The following FGFR1 variants were observed in gnomAD, a reference collection of about 807,000 sequenced individuals.
The protein encoded by FGFR1 is FGFR1/PLAG1 fusion.
FGFR1 carries 18 observed loss-of-function variants against 93.7 expected under a neutral mutation model. The ratio of observed to expected loss-of-function variants is 0.19; its 90% CI spans 0.13 to 0.28. FGFR1 has a LOEUF of 0.28. FGFR1 is among the 10% of genes least tolerant of loss of function. FGFR1 has a pLI of 1.00. For synonymous variants in FGFR1, 448 were observed against 429.3 expected (o/e 1.04, Z -0.54); for missense variants, 731 against 1,080.4 (o/e 0.68, Z 4.53).
intron 2 of FGFR1, among the ~76,000 whole-genome samples, chr8:38,441,791 A>T (rs1827584251): frequency 6.6e-6 from 1 of 152,246 alleles, no homozygotes; most frequent in Non-Finnish European, 1.5e-5. Context: ...TGGTGAAGAC[A>T]GAAACTCCTG....
At chr8:38,465,953 A>C (rs1482814144) in intron 1 of FGFR1, 2 of 228,366 alleles carry the variant, frequency 8.8e-6, no homozygotes, top group Non-Finnish European at 1.7e-5. Context: ...CTACCGCCCA[A>C]AGAAGGAAAC....
rs3213849 is a variant in FGFR1, at chr8:38,468,528, G to C, written c.-636C>G. 2.2e-5 allele frequency: 5 copies of C among 228,440 alleles called. No homozygotes were observed. Among genetic ancestry groups the C allele is most frequent in the Non-Finnish European group, 3.5e-5 (4 of 114,890 alleles). 14.2% of individuals were successfully genotyped at this position (228,440 alleles called of 1,614,324 possible). On this transcript the variant is annotated 5_prime_UTR_variant, in exon 1 of 18. Coordinates refer to ENST00000447712, the MANE Select transcript of FGFR1 (RefSeq NM_023110.3). ...TGGCCGCCCAGCTCCCGGCACACCC[G>C]GGTTCCTCCGCGCGCTGCGGCTGCA...
chr8:38,436,518 C>A (rs1179432700), intron 2 of FGFR1, among the ~76,000 whole-genome samples: 1 of 152,132 alleles, frequency 6.6e-6, no homozygotes, highest in Non-Finnish European at 1.5e-5. Context: ...GGCTGCTGAT[C>A]TCATTACCAC....
chr8:38,458,355 A>G (rs1833465118), intron 1 of FGFR1, among the ~76,000 whole-genome samples: 1 of 152,166 alleles, frequency 6.6e-6, no homozygotes, highest in Non-Finnish European at 1.5e-5. Context: ...AACCTGGCCA[A>G]TATGGTGAAA....
At chr8:38,449,058 C>T (rs1230694997) in intron 2 of FGFR1, among the ~76,000 whole-genome samples, 3 of 151,882 alleles carry the variant, frequency 2.0e-5, no homozygotes, top group Non-Finnish European at 2.9e-5. Context: ...GCCATGATCA[C>T]TCCACTGCAC....
chr8:38,459,867 A>C (rs1242880644), intron 1 of FGFR1, among the ~76,000 whole-genome samples: 2 of 152,144 alleles, frequency 1.3e-5, no homozygotes, highest in African/African-American at 4.8e-5. Flanking sequence ...AAGAGGCTTG[A>C]TTTGCAGTTC....
chr8:38,440,030 C>G (rs149476689), intron 2 of FGFR1, among the ~76,000 whole-genome samples: 1 of 152,186 alleles, frequency 6.6e-6, no homozygotes, highest in African/African-American at 2.4e-5. Flanking sequence ...TCTATCATCC[C>G]TATTCCATCT....
At position 38,414,208 on chromosome 8, in the gene FGFR1, G is replaced by A. The variant is rs758877273; in HGVS notation, c.2130C>T (p.Phe710=). The change falls in exon 16 of 18, where the codon TTC becomes TTT. Residue 710 remains phenylalanine, a synonymous_variant. Coordinates refer to ENST00000447712, the MANE Select transcript of FGFR1 (RefSeq NM_023110.3). ...PYPGVPVEEL[F]KLLKEGHRMD... The stretch of plus-strand genomic sequence containing the variant: ...TGCGGTGACCCTCCTTCAGCAGCTT[G>A]AAAAGTTCCTCCACAGGCACACCGG... 2.5e-6 allele frequency: 4 copies of A among 1,614,174 alleles called. No individual in the cohort carries two copies. In the South Asian group the frequency reaches 3.3e-5, roughly 13 times the overall value.
In FGFR1 at chr8:38,413,841, C is replaced by T. The variant is rs1815258964; in HGVS notation, c.2293-37G>A. 1 of 1,613,748 alleles carries T rather than the reference C, an allele frequency of 6.2e-7. No homozygotes were observed. Among genetic ancestry groups the T allele is most frequent in the Non-Finnish European group, 8.5e-7 (1 of 1,179,802 alleles). On this transcript the variant is annotated intron_variant, in intron 17 of 17. Transcript: ENST00000447712. The surrounding 1 kb of genome is among the most constrained non-coding windows in gnomAD (Gnocchi z 4.2). ...GAGAGGAAGCAGCGATGGGCCGGGC[C>T]CCTCCTCCCTGCTCAGGGAGGTGCG...
chr8:38,467,748 C>T (rs888664012), intron 1 of FGFR1: 6 of 232,996 alleles, frequency 2.6e-5, no homozygotes, highest in Middle Eastern at 1.3e-3. Context: ...AGCGGCGGGA[C>T]GAGCGCAGGG....
chr8:38,442,551 A>G (rs912664763), intron 2 of FGFR1, among the ~76,000 whole-genome samples: 2 of 151,980 alleles, frequency 1.3e-5, no homozygotes, highest in Non-Finnish European at 2.9e-5. Context: ...GGGTGGAGAG[A>G]TGAATCAACG....
intron 1 of FGFR1, among the ~76,000 whole-genome samples, chr8:38,459,404 C>A (rs950893699): frequency 6.6e-6 from 1 of 152,190 alleles, no homozygotes; most frequent in Non-Finnish European, 1.5e-5. Context: ...ACATGCCACA[C>A]CACTAGCTCC....
chr8:38,458,505 C>T (rs1290074711), intron 1 of FGFR1, among the ~76,000 whole-genome samples: 1 of 151,996 alleles, frequency 6.6e-6, no homozygotes, highest in Non-Finnish European at 1.5e-5. Context: ...CGCAGCACTG[C>T]ACTACAGCCT....
chr8:38,468,432 C>T lies in FGFR1; in HGVS notation c.-540G>A, dbSNP rs1040129769. The T allele has an allele frequency of 1.4e-4, 33 of 228,610 alleles. No homozygotes were observed. Among genetic ancestry groups the T allele is most frequent in the Admixed American group, 9.6e-4 (17 of 17,622 alleles). The allele number at this position is 228,610 out of a possible 1,614,324, so 14.2% of individuals were successfully genotyped here. On this transcript the variant is annotated 5_prime_UTR_variant, in exon 1 of 18. Coordinates refer to ENST00000447712, the MANE Select transcript of FGFR1 (RefSeq NM_023110.3). ...TTGGGTTCCGCGGCTTTTCAAGCAG[C>T]GGCGCGCTCGCGGCCGGGGAAGGCG...
chr8:38,440,284 T>C, intron 2 of FGFR1: 12 of 1,599,278 alleles, frequency 7.5e-6, no homozygotes, highest in Non-Finnish European at 9.4e-6. Context: ...ATTTTGGCTT[T>C]GAAATGGAAC....
chr8:38,425,932 C>A, intron 6 of FGFR1, 190 bp downstream of exon 6: 1 of 720,434 alleles, frequency 1.4e-6, no homozygotes, highest in Non-Finnish European at 2.4e-6. Context: ...ACTGTCTGAT[C>A]TTAACTCTAT....
chr8:38,451,271 C>T (rs1248378154), intron 2 of FGFR1, among the ~76,000 whole-genome samples: 2 of 151,752 alleles, frequency 1.3e-5, no homozygotes, highest in Admixed American at 6.6e-5. Context: ...GAGGGTCTTG[C>T]CTGTGTCCCA....
At chr8:38,460,298 C>T (rs1402933680) in intron 1 of FGFR1, among the ~76,000 whole-genome samples, 1 of 152,152 alleles carries the variant, frequency 6.6e-6, no homozygotes, top group African/African-American at 2.4e-5. Context: ...CCAGAGGATG[C>T]CCCTAAACCC....
rs377648976 is a variant in FGFR1 at position 38,419,703 on chromosome 8, G to A, written c.1114C>T (p.Pro372Ser). 1.5e-5 allele frequency: 24 copies of A among 1,614,052 alleles called. No homozygotes were observed. The highest frequency in any genetic ancestry group is 1.6e-4 in the Middle Eastern group (1 of 6,082). The change falls in exon 9 of 18, where the codon CCC (proline) becomes TCC (serine). Residue 372 changes from proline (P) to serine (S), a missense_variant. Around this residue, in one of 10 missense-constraint regions of FGFR1, gnomAD observed 146 missense variants for 173.0 expected, o/e 0.84. Transcript: ENST00000447712. ...LEERPAVMTS[P>S]LYLEIIIYCT... ...TAGATGATGATCTCCAGGTACAGGG[G>A]CGAGGTCATCACTGCCGGCCTCTCT...
Sources: allele counts gnomAD v4.1 joint callset (sites outside exome capture counted in the v4.1 genomes callset), GRCh38; gene constraint gnomAD v4.1.1; regional missense constraint gnomAD v4.1.1; non-coding constraint Gnocchi (gnomAD v3.1); transcripts MANE v1.5; gene names NCBI Gene and HGNC (gene_info 2026-07-23, HGNC 2026-07-21).